STK32C: variants seen among roughly 807,000 people sequenced by gnomAD.
STK32C encodes serine/threonine-protein kinase 32C.
Under a neutral mutation model 56.5 loss-of-function variants are expected in STK32C, and 31 were observed. The ratio of observed to expected loss-of-function variants is 0.55; its 90% confidence interval spans 0.41 to 0.74. The LOEUF (loss-of-function observed/expected upper bound fraction) is 0.74, where lower values mean the gene tolerates loss of function less well. STK32C is among the 30% of genes least tolerant of loss of function. The pLI is 0.00. For missense variants in STK32C, 544 were observed against 676.9 expected (o/e 0.80, Z 2.18); for synonymous variants, 309 against 289.4 (o/e 1.07, Z -0.69).
chr10:132,211,335 G>A (rs1258798547), intron 10 of STK32C, among the ~76,000 whole-genome samples: 1 of 152,162 alleles, frequency 6.6e-6, no homozygotes, highest in African/African-American at 2.4e-5. Context: ...AGGGGCTGGG[G>A]TGGGCGCCAG....
At chr10:132,293,364 G>A (rs143305468) in intron 1 of STK32C, among the ~76,000 whole-genome samples, 16 of 152,352 alleles carry the variant, frequency 1.1e-4, no homozygotes, top group South Asian at 2.1e-4. Flanking sequence ...GCAATTCTTC[G>A]CCAGCAAAAG....
At chr10:132,253,429 G>GC (rs1488153453) in intron 1 of STK32C, among the ~76,000 whole-genome samples, 4 of 140,274 alleles carry the variant, frequency 2.9e-5, no homozygotes, top group African/African-American at 1.2e-4. Flanking sequence ...GCTGGAGGGA[G>GC]TCGAGGGAGC....
intron 1 of STK32C, among the ~76,000 whole-genome samples, chr10:132,263,471 A>G (rs1051117780): frequency 6.6e-6 from 1 of 152,090 alleles, no homozygotes; most frequent in Admixed American, 6.6e-5. Context: ...AAGGGTTGAA[A>G]AACCAGCCAC....
At chr10:132,295,864 C>T (rs1179889530) in intron 1 of STK32C, among the ~76,000 whole-genome samples, 4 of 151,688 alleles carry the variant, frequency 2.6e-5, no homozygotes, top group Admixed American at 6.6e-5. Context: ...GCCCGGGCGA[C>T]GGAGCAAGAT....
At chr10:132,260,401 C>T (rs1001657364) in intron 1 of STK32C, among the ~76,000 whole-genome samples, 4 of 152,150 alleles carry the variant, frequency 2.6e-5, no homozygotes, top group African/African-American at 7.2e-5. Context: ...GCGAAATCCA[C>T]CCCTGCGGCC....
chr10:132,246,312 TCCAGTGAAGACCC>T (rs2063688857), intron 1 of STK32C, among the ~76,000 whole-genome samples: 1 of 152,178 alleles, frequency 6.6e-6, no homozygotes, highest in Non-Finnish European at 1.5e-5. Context: ...AGCTGCTCCA[TCCAGTGAAGACCC>T]CCAGACAGGC....
chr10:132,296,490 C>G (rs1372895253), intron 1 of STK32C, among the ~76,000 whole-genome samples: 1 of 152,146 alleles, frequency 6.6e-6, no homozygotes, highest in African/African-American at 2.4e-5. Context: ...AGCTTCACAA[C>G]TTTTCTATAA....
upstream of STK32C, chr10:132,307,978 C>G: frequency 3.4e-6 from 3 of 888,402 alleles, no homozygotes; most frequent in Non-Finnish European, 4.0e-6. The surrounding 1 kb of genome is among the most constrained non-coding windows in gnomAD (Gnocchi z 4.4). Flanking sequence ...CCGTAGATTG[C>G]GAGCGCTGGG....
chr10:132,211,194 G>A (rs561736076), intron 10 of STK32C, among the ~76,000 whole-genome samples: 3 of 152,270 alleles, frequency 2.0e-5, no homozygotes, highest in African/African-American at 7.2e-5. Flanking sequence ...GTCTAACCCT[G>A]ATATAGACAG....
At chr10:132,235,656 CA>C (rs1304601844) in intron 2 of STK32C, among the ~76,000 whole-genome samples, 1 of 152,098 alleles carries the variant, frequency 6.6e-6, no homozygotes, top group Non-Finnish European at 1.5e-5. Flanking sequence ...ACAGGATGCT[CA>C]GGACACAGAG....
chr10:132,284,760 A>G (rs200608067), intron 1 of STK32C, among the ~76,000 whole-genome samples: 297 of 90,152 alleles, frequency 3.3e-3, no homozygotes, highest in Middle Eastern at 0.012. Context: ...TGAACCCAGA[A>G]CACATTCCCA....
chr10:132,271,288 G>A (rs1446991384), intron 1 of STK32C, among the ~76,000 whole-genome samples: 1 of 152,136 alleles, frequency 6.6e-6, no homozygotes, highest in East Asian at 1.9e-4. Flanking sequence ...CTGTAAAGCA[G>A]GCAGCCCTAC....
At chr10:132,228,682 GA>G (rs1415912532) in intron 2 of STK32C, among the ~76,000 whole-genome samples, 1 of 152,240 alleles carries the variant, frequency 6.6e-6, no homozygotes, top group Non-Finnish European at 1.5e-5. Flanking sequence ...AAGCAGCCCG[GA>G]GGGGTACTGG....
chr10:132,264,756 C>T (rs2064440943), intron 1 of STK32C, among the ~76,000 whole-genome samples: 1 of 152,120 alleles, frequency 6.6e-6, no homozygotes, highest in Non-Finnish European at 1.5e-5. Flanking sequence ...TGGGACCTAG[C>T]AGACAGCACA....
At position 132,245,945 on chromosome 10, in the gene STK32C, G is replaced by A. The variant is rs182453248; in HGVS notation, c.273C>T (p.Asp91=). ...VFDDKEDVNF[D]HFQILRAIGK... is the part of the protein sequence containing the mutation. ...CAATGGCCCGAAGGATCTGGAAGTGGTCGAAGTTCACTGCAGGATAAAACA... is the reference window on the plus strand; with the variant it reads ...CAATGGCCCGAAGGATCTGGAAGTGATCGAAGTTCACTGCAGGATAAAACA... Residue 91 remains aspartate, a synonymous_variant, in exon 2 of 12, where the codon GAC becomes GAT. Coordinates refer to ENST00000298630, the MANE Select transcript of STK32C (RefSeq NM_173575.4). 22 of 1,613,596 alleles carry A rather than the reference G, an allele frequency of 1.4e-5. No individual in the cohort carries two copies. The East Asian group carries it at 4.9e-4, about 36-fold the overall frequency.
chr10:132,300,361 T>C (rs1441405419), intron 1 of STK32C, among the ~76,000 whole-genome samples: 4 of 152,072 alleles, frequency 2.6e-5, no homozygotes, highest in Non-Finnish European at 5.9e-5. Context: ...GAAGGAAGCA[T>C]GGCAGAGACC....
chr10:132,322,905 C>T (rs1306572888), downstream of STK32C, among the ~76,000 whole-genome samples: 4 of 152,208 alleles, frequency 2.6e-5, no homozygotes. Context: ...CGTCCCTCTC[C>T]TGAACACATT....
chr10:132,253,571 G>A (rs185779920), intron 1 of STK32C, among the ~76,000 whole-genome samples: 2 of 134,094 alleles, frequency 1.5e-5, no homozygotes, highest in Non-Finnish European at 1.5e-5. Flanking sequence ...AGTCGAGGGA[G>A]CTGGAGGGAG....
rs918179065 is a variant in STK32C, at chr10:132,220,239, G to A, written c.1251+2402C>T. Among the ~76,000 whole-genome samples, 10 of 152,314 alleles carry A rather than the reference G, an allele frequency of 6.6e-5. No homozygotes were observed. The South Asian group carries it at 1.9e-3, about 28-fold the overall frequency. On this transcript the variant is annotated intron_variant, in intron 10 of 11. Coordinates refer to ENST00000298630, the MANE Select transcript of STK32C (RefSeq NM_173575.4). ...GGAGATGGAGACGCACACACAGGCC[G>A]ACCCCACGCGGCAGCGAAGCAGGGG...
Sources: allele counts gnomAD v4.1 joint callset (sites outside exome capture counted in the v4.1 genomes callset), GRCh38; gene constraint gnomAD v4.1.1; non-coding constraint Gnocchi (gnomAD v3.1); transcripts MANE v1.5; gene names NCBI Gene and HGNC (gene_info 2026-07-23, HGNC 2026-07-21).